Variants in PPIE observed in about 807,000 individuals in gnomAD.
PPIE encodes the protein peptidyl-prolyl cis-trans isomerase E.
Under a neutral mutation model 38.4 loss-of-function variants are expected in PPIE, and 20 were observed. The observed-to-expected ratio is 0.52, with a 90% CI of 0.37 to 0.76. The LOEUF (loss-of-function observed/expected upper bound fraction) is 0.76. Ranked by LOEUF, PPIE falls within the 30% of genes least tolerant of loss-of-function variation. The probability of loss-of-function intolerance (pLI) is 0.00; values close to 1 mark genes in which losing one functional copy is unlikely to be tolerated. For missense variants in PPIE, 322 were observed against 385.8 expected (o/e 0.83, Z 1.39); for synonymous variants, 142 against 135.7 (o/e 1.05, Z -0.32).
intron 6 of PPIE, among the ~76,000 whole-genome samples, 155 bp downstream of exon 6, chr1:39,744,079 C>A (rs1343039560): frequency 6.6e-6 from 1 of 152,006 alleles, no homozygotes; most frequent in Non-Finnish European, 1.5e-5. Context: ...ATATTGAGTT[C>A]TTAGTACTTT....
intron 7 of PPIE, chr1:39,745,820 A>G (rs1647188735): frequency 4.7e-6 from 1 of 214,502 alleles, no homozygotes; most frequent in Admixed American, 5.2e-5. Context: ...CCCTCTCTAC[A>G]TCCAGTCCTC....
In PPIE at chr1:39,756,578, C is replaced by T; in HGVS notation, c.*3223C>T. The T allele has an allele frequency of 4.1e-6, 4 of 985,372 alleles. No homozygotes were observed. The highest frequency in any genetic ancestry group is 4.8e-6 in the Non-Finnish European group (4 of 829,910). 61.0% of individuals were successfully genotyped at this position (985,372 alleles called of 1,614,324 possible). The stretch of plus-strand genomic sequence containing the variant: ...ACCTCTGAAGAAGGAATTATAGAAC[C>T]AACTTTTTATTGTTGAAAATGGAGT... On this transcript the variant is annotated 3_prime_UTR_variant, in exon 10 of 10. Transcript: ENST00000324379.
At chr1:39,763,696 A>G (rs2463260) in exon 10 of PPIE, 647,957 of 1,445,722 alleles carry the variant, frequency 0.45, 175,033 homozygotes, top group South Asian at 0.49. Flanking sequence ...CAGAAACAAG[A>G]AGAGTCAGCA....
At chr1:39,752,094 A>G (rs995135903) in intron 8 of PPIE, among the ~76,000 whole-genome samples, 2 of 151,906 alleles carry the variant, frequency 1.3e-5, no homozygotes, top group East Asian at 1.9e-4. Context: ...AGTGATCCCC[A>G]TCTCAAAAAA....
At chr1:39,743,412 G>A in intron 5 of PPIE, 115 bp downstream of exon 5, 2 of 886,334 alleles carry the variant, frequency 2.3e-6, no homozygotes, top group Middle Eastern at 4.3e-4. Flanking sequence ...TGGTAGATAG[G>A]AGTAGATGAT....
intron 7 of PPIE, chr1:39,747,340 A>G (rs2124332679): frequency 6.6e-6 from 1 of 151,776 alleles, no homozygotes; most frequent in East Asian, 1.9e-4. Context: ...GCTTAGTCAT[A>G]TGGTAACTCT....
intron 8 of PPIE, among the ~76,000 whole-genome samples, chr1:39,750,615 C>A (rs76095106): frequency 0.024 from 3,667 of 152,294 alleles, 74 homozygotes; most frequent in East Asian, 0.078. Context: ...TGGATTTTCA[C>A]ATTTGGGATG....
intron 8 of PPIE, among the ~76,000 whole-genome samples, chr1:39,751,820 C>T (rs974088255): frequency 1.3e-5 from 2 of 152,198 alleles, no homozygotes; most frequent in South Asian, 2.1e-4. Flanking sequence ...CACGGCGGCT[C>T]ATGCCTGTAA....
At chr1:39,753,261 TC>T in intron 9 of PPIE, 25 bp from the exon 10 acceptor site, 1 of 1,613,016 alleles carries the variant, frequency 6.2e-7, no homozygotes, top group East Asian at 2.2e-5. Context: ...CCGGCCTTAC[TC>T]CCTCACTTCT....
chr1:39,763,331 A>C, intron 9 of PPIE: 1 of 925,976 alleles, frequency 1.1e-6, no homozygotes, highest in East Asian at 2.5e-5. Context: ...AACCCCCGGC[A>C]GAAAAGGCTG....
chr1:39,760,854 A>T (rs936439753), downstream of PPIE, among the ~76,000 whole-genome samples: 4 of 152,140 alleles, frequency 2.6e-5, no homozygotes, highest in African/African-American at 9.7e-5. Context: ...AAGGGCTCAG[A>T]CTTCCTCCTG....
At chr1:39,762,605 T>C (rs1649147129) in intron 9 of PPIE, 3 of 1,549,958 alleles carry the variant, frequency 1.9e-6, no homozygotes, top group Non-Finnish European at 1.7e-6. Context: ...AGCCAAAAGG[T>C]TGAGAGCCAC....
chr1:39,755,488 C>T lies in PPIE; in HGVS notation c.*2133C>T, dbSNP rs1225163440. On this transcript the variant is annotated 3_prime_UTR_variant, in exon 10 of 10. Transcript: ENST00000324379. The stretch of plus-strand genomic sequence containing the variant: ...ATGGAGCTTCCAAAAGAGACCCTCC[C>T]TCAAAGCACAGCCCCTTCTCTGAGT... The T allele has an allele frequency of 2.0e-6, 2 of 985,436 alleles. No individual in the cohort carries two copies. The highest frequency in any genetic ancestry group is 2.4e-6 in the Non-Finnish European group (2 of 829,920). 61.0% of individuals were successfully genotyped at this position (985,436 alleles called of 1,614,324 possible). A position where few individuals can be genotyped will look rare whatever the true frequency, so the allele number is the denominator to read the frequency against.
rs1647172885 is a variant in PPIE at position 39,745,433 on chromosome 1, T to C, written c.443T>C (p.Ile148Thr). The part of the protein sequence containing the change: ...SNPQVYMDIK[I>T]GNKPAGRIQM... The stretch of plus-strand genomic sequence containing the variant: ...CCTCAGGTGTACATGGACATCAAGA[T>C]TGGGAACAAGCCGGCTGGCCGCATC... The change falls in exon 7 of 10, where the codon ATT (isoleucine) becomes ACT (threonine). Residue 148 changes from isoleucine (I) to threonine (T), a missense_variant. By Grantham distance (89) the Ile-to-Thr change is moderately conservative (BLOSUM62 -1). Coordinates refer to ENST00000324379, the MANE Select transcript of PPIE (RefSeq NM_006112.4). 6.2e-7 allele frequency: 1 copy of C among 1,614,212 alleles called. No individual in the cohort carries two copies. Among genetic ancestry groups the C allele is most frequent in the Non-Finnish European group, 8.5e-7 (1 of 1,180,034 alleles).
intron 6 of PPIE, among the ~76,000 whole-genome samples, chr1:39,744,817 G>A (rs1341331683): frequency 6.6e-6 from 1 of 152,156 alleles, no homozygotes; most frequent in Non-Finnish European, 1.5e-5. Flanking sequence ...GGATCATCCT[G>A]TATCCTCTGC....
In PPIE at chr1:39,753,444, G is replaced by A. The variant is rs1647970732; in HGVS notation, c.*89G>A. On this transcript the variant is annotated 3_prime_UTR_variant, in exon 10 of 10. Transcript: ENST00000324379. ...CCTCAGAGGAGGCAGCACCGAGGGT[G>A]CCTGTTTGAAGCAAGCAGCATTTGG... 1 of 1,559,826 alleles carries A rather than the reference G, an allele frequency of 6.4e-7. No homozygotes were observed. The highest frequency in any genetic ancestry group is 8.7e-7 in the Non-Finnish European group (1 of 1,154,174).
At chr1:39,753,087 G>T (rs368238788) in intron 9 of PPIE, 35 bp downstream of exon 9, 10 of 1,612,932 alleles carry the variant, frequency 6.2e-6, no homozygotes, top group Non-Finnish European at 8.5e-6. Flanking sequence ...TCCTTACCCA[G>T]GCCCTAGGAG....
At chr1:39,762,525 A>C in intron 9 of PPIE, 1 of 1,550,164 alleles carries the variant, frequency 6.5e-7, no homozygotes, top group Non-Finnish European at 8.7e-7. Flanking sequence ...AGGTTGCCCC[A>C]GATACCAAGG....
At chr1:39,749,506 C>T (rs1227033800) in intron 8 of PPIE, among the ~76,000 whole-genome samples, 1 of 152,132 alleles carries the variant, frequency 6.6e-6, no homozygotes, top group Non-Finnish European at 1.5e-5. Context: ...CCCTTGCCAA[C>T]CTGACCAGAT....
Sources: gnomAD v4.1 joint callset for allele counts (sites outside exome capture counted in the v4.1 genomes callset) on GRCh38, gnomAD v4.1.1 for gene constraint, MANE v1.5 for transcripts, NCBI Gene and HGNC (gene_info 2026-07-23, HGNC 2026-07-21) for gene names.